NBAS: variants seen among roughly 807,000 people sequenced by gnomAD.
NBAS encodes NAG/BC035112 fusion.
In NBAS, 219 loss-of-function variants were observed where a neutral mutation model predicts 302.5. The ratio of observed to expected loss-of-function variants is 0.72; its 90% CI spans 0.65 to 0.81. NBAS has a LOEUF of 0.81. Among genes scored for constraint, NBAS ranks in the 30% least tolerant of loss-of-function variants. NBAS has a pLI of 0.00. For missense variants in NBAS, 2,932 were observed against 2,841.6 expected (o/e 1.03, Z -0.72); for synonymous variants, 1,118 against 1,021.6 (o/e 1.09, Z -1.80).
At chr2:15,503,096 C>T (rs1171836883) in intron 11 of NBAS, among the ~76,000 whole-genome samples, 1 of 152,158 alleles carries the variant, frequency 6.6e-6, no homozygotes, top group Non-Finnish European at 1.5e-5. Context: ...TCAATATCAC[C>T]GTCTTCTACC....
chr2:15,456,481 T>C (rs79513373), intron 21 of NBAS, among the ~76,000 whole-genome samples: 2,031 of 152,310 alleles, frequency 0.013, 34 homozygotes, highest in East Asian at 0.059. Context: ...AAAAAATACT[T>C]CCTGAGCTAC....
intron 38 of NBAS, among the ~76,000 whole-genome samples, chr2:15,316,971 T>C (rs992838047): frequency 7.9e-5 from 12 of 152,108 alleles, no homozygotes; most frequent in African/African-American, 2.7e-4. Context: ...CGCTTCCCAG[T>C]AGGGGCCAAC....
the NBAS span, among the ~76,000 whole-genome samples, chr2:14,836,307 T>C: frequency 6.6e-6 from 1 of 151,972 alleles, no homozygotes; most frequent in African/African-American, 2.4e-5. Flanking sequence ...GTTACAACTA[T>C]AAATTTTATC....
At chr2:15,142,762 G>A in the NBAS span, among the ~76,000 whole-genome samples, 8 of 152,268 alleles carry the variant, frequency 5.3e-5, no homozygotes, top group East Asian at 1.5e-3. Flanking sequence ...GGGAGATAAG[G>A]AACATTCCAT....
chr2:15,076,125 C>T, the NBAS span, among the ~76,000 whole-genome samples: 1 of 152,286 alleles, frequency 6.6e-6, no homozygotes, highest in South Asian at 2.1e-4. Context: ...CTATTAGGCA[C>T]ACGAGCCCTT....
At chr2:15,276,333 C>A (rs553934301) in intron 43 of NBAS, among the ~76,000 whole-genome samples, 2 of 152,208 alleles carry the variant, frequency 1.3e-5, no homozygotes, top group Non-Finnish European at 2.9e-5. Flanking sequence ...TTTGAATGTG[C>A]CTTGCAAATT....
the NBAS span, among the ~76,000 whole-genome samples, chr2:15,072,659 C>T: frequency 1.3e-5 from 2 of 152,074 alleles, no homozygotes; most frequent in African/African-American, 2.4e-5. Flanking sequence ...CTCAATACAA[C>T]GTGTTAAGGG....
chr2:14,797,741 C>G, the NBAS span, among the ~76,000 whole-genome samples: 1 of 152,026 alleles, frequency 6.6e-6, no homozygotes, highest in Non-Finnish European at 1.5e-5. Flanking sequence ...AAGGAGGAAG[C>G]CAGCCACAGA....
chr2:15,167,405 C>T, intron 51 of NBAS, 82 bp from the exon 52 acceptor site: 2 of 1,524,994 alleles, frequency 1.3e-6, no homozygotes, highest in Non-Finnish European at 9.0e-7. Flanking sequence ...CTCCACTGGG[C>T]TGCCTTCATC....
chr2:14,889,003 A>G, the NBAS span, among the ~76,000 whole-genome samples: 6 of 151,912 alleles, frequency 3.9e-5, no homozygotes, highest in Admixed American at 3.3e-4. Context: ...TCTGTTCGGA[A>G]CTCCCTTTTT....
rs1558472330 is a variant in NBAS, at chr2:15,247,706, A to ATC, written c.5725-9021_5725-9020insGA. ...TATATATATATCTATATATCTCTCT[A>ATC]TATATATCTATATATACCTCTATCT... On this transcript the variant is annotated intron_variant, in intron 44 of 51. Transcript: ENST00000281513. Among the ~76,000 whole-genome samples the ATC allele has an allele frequency of 8.8e-5, 8 of 90,954 alleles. No individual in the cohort carries two copies. The East Asian group carries it at 1.7e-3, about 20-fold the overall frequency. The allele number at this position is 90,954 out of a possible 152,430, so 59.7% of individuals were successfully genotyped here.
At chr2:15,265,938 G>A (rs1669056023) in intron 44 of NBAS, among the ~76,000 whole-genome samples, 1 of 152,176 alleles carries the variant, frequency 6.6e-6, no homozygotes, top group Non-Finnish European at 1.5e-5. Context: ...AAGGACAGCC[G>A]ATAATACGGT....
intron 1 of NBAS, 54 bp from the exon 2 acceptor site, chr2:15,558,688 C>A: frequency 7.8e-7 from 1 of 1,288,988 alleles, no homozygotes; most frequent in Non-Finnish European, 1.1e-6. Flanking sequence ...AGTATTAGAC[C>A]AGTATTACTT....
intron 32 of NBAS, among the ~76,000 whole-genome samples, chr2:15,361,992 A>G (rs1325622524): frequency 6.6e-6 from 1 of 152,144 alleles, no homozygotes; most frequent in African/African-American, 2.4e-5. Context: ...AAAAAAAAAA[A>G]AATTCCAGGA....
chr2:14,989,183 C>G, the NBAS span, among the ~76,000 whole-genome samples: 1 of 151,914 alleles, frequency 6.6e-6, no homozygotes, highest in Non-Finnish European at 1.5e-5. Context: ...AAAGATAACT[C>G]TATAGTCATG....
the NBAS span, among the ~76,000 whole-genome samples, chr2:14,854,433 C>G: frequency 1.3e-5 from 2 of 151,738 alleles, no homozygotes; most frequent in Non-Finnish European, 2.9e-5. Context: ...ACTTAACAAC[C>G]ATCTACACAG....
chr2:14,959,143 G>A, the NBAS span, among the ~76,000 whole-genome samples: 1 of 152,176 alleles, frequency 6.6e-6, no homozygotes, highest in African/African-American at 2.4e-5. Context: ...TTGGTTTGGT[G>A]ATCTTGCACA....
intron 21 of NBAS, among the ~76,000 whole-genome samples, chr2:15,454,457 C>T (rs947428156): frequency 6.6e-6 from 1 of 151,818 alleles, no homozygotes; most frequent in Non-Finnish European, 1.5e-5. Flanking sequence ...CAGTACTGTA[C>T]AGTCAGTTCT....
the NBAS span, among the ~76,000 whole-genome samples, chr2:15,028,174 A>C: frequency 3.9e-5 from 6 of 152,362 alleles, no homozygotes; most frequent in South Asian, 1.2e-3. Context: ...TGATGTGCTT[A>C]TAGCTGCATT....
Sources: gnomAD v4.1 joint callset for allele counts (sites outside exome capture counted in the v4.1 genomes callset) on GRCh38, gnomAD v4.1.1 for gene constraint, MANE v1.5 for transcripts, NCBI Gene and HGNC (gene_info 2026-07-23, HGNC 2026-07-21) for gene names.